PRMT8: variants seen among roughly 807,000 people sequenced by gnomAD.
PRMT8 encodes protein arginine N-methyltransferase 8.
A neutral mutation model predicts 47.1 loss-of-function variants in PRMT8; 7 were observed. The ratio of observed to expected loss-of-function variants is 0.15; its 90% CI spans 0.08 to 0.28. The LOEUF (loss-of-function observed/expected upper bound fraction) is 0.28. Among genes scored for constraint, PRMT8 ranks in the 10% least tolerant of loss-of-function variants. PRMT8 has a pLI of 1.00. For missense variants in PRMT8, 237 were observed against 505.4 expected (o/e 0.47, Z 5.09); for synonymous variants, 188 against 186.5 (o/e 1.01, Z -0.07).
chr12:3,588,753 T>C (rs891242972), intron 8 of PRMT8, among the ~76,000 whole-genome samples: 3 of 152,074 alleles, frequency 2.0e-5, no homozygotes, highest in Non-Finnish European at 4.4e-5. Context: ...TCAGAGAGAC[T>C]GTGATGGGGA....
intron 1 of PRMT8, among the ~76,000 whole-genome samples, chr12:3,418,606 G>A (rs1864507400): frequency 6.6e-6 from 1 of 152,208 alleles, no homozygotes; most frequent in Non-Finnish European, 1.5e-5. Flanking sequence ...GTGGCTTCAG[G>A]CCCACTCCGT....
chr12:3,578,760 G>T (rs1043309219), intron 7 of PRMT8, among the ~76,000 whole-genome samples: 2 of 152,160 alleles, frequency 1.3e-5, no homozygotes, highest in Non-Finnish European at 2.9e-5. Context: ...ACTGTCCTTT[G>T]TCCTGGACAC....
At chr12:3,384,469 G>A (rs923539202) in intron 1 of PRMT8, among the ~76,000 whole-genome samples, 2 of 152,148 alleles carry the variant, frequency 1.3e-5, no homozygotes, top group Admixed American at 6.5e-5. Flanking sequence ...TAAAAGAAAT[G>A]TATTTTTTTC....
intron 1 of PRMT8, among the ~76,000 whole-genome samples, chr12:3,523,016 A>G (rs74706814): frequency 1.3e-5 from 2 of 152,122 alleles, no homozygotes; most frequent in Admixed American, 1.3e-4. Context: ...AGAAAAAAAA[A>G]ATCCCATCAA....
intron 1 of PRMT8, among the ~76,000 whole-genome samples, chr12:3,446,017 C>A (rs777121292): frequency 8.5e-5 from 13 of 152,120 alleles, no homozygotes; most frequent in Non-Finnish European, 1.9e-4. Context: ...CTACAGCATC[C>A]TGGATCAGTG....
intron 8 of PRMT8, among the ~76,000 whole-genome samples, chr12:3,584,550 G>A (rs991271178): frequency 3.9e-5 from 6 of 152,108 alleles, no homozygotes; most frequent in African/African-American, 1.2e-4. Flanking sequence ...TTTCAAGTGA[G>A]ACACATGCAC....
intron 1 of PRMT8, among the ~76,000 whole-genome samples, chr12:3,418,004 T>C (rs1246689039): frequency 6.6e-6 from 1 of 152,222 alleles, no homozygotes; most frequent in African/African-American, 2.4e-5. Context: ...AAAATGGTCA[T>C]ACCTACTTCA....
chr12:3,540,477 C>A, intron 1 of PRMT8, 129 bp from the exon 2 acceptor site: 1 of 661,666 alleles, frequency 1.5e-6, no homozygotes, highest in Non-Finnish European at 2.6e-6. Flanking sequence ...ACCTACCTCC[C>A]TTTCAGGAAG....
At position 3,497,577 on chromosome 12, in the gene PRMT8, C is replaced by T. The variant is rs187621903; in HGVS notation, c.75+5877C>T. 3.3e-5 allele frequency among the ~76,000 whole-genome samples: 5 copies of T among 152,242 alleles called. 1 individual carries two copies. The highest frequency in any genetic ancestry group is 3.3e-4 in the Admixed American group (5 of 15,304). On this transcript the variant is annotated intron_variant, in intron 1 of 9. Transcript: ENST00000382622. ...TTCCAATTGATTCCAATCCCTTTTTCTGATATTCTGGTATTAGACTTCTAA... is the reference window on the plus strand; with the variant it reads ...TTCCAATTGATTCCAATCCCTTTTTTTGATATTCTGGTATTAGACTTCTAA...
chr12:3,576,971 T>C lies in PRMT8; in HGVS notation c.813T>C (p.Asn271=), dbSNP rs1159064746. The C allele has an allele frequency of 6.2e-6, 10 of 1,613,966 alleles. No homozygotes were observed. The South Asian group carries it at 7.7e-5, about 12-fold the overall frequency. Residue 271 remains asparagine, a synonymous_variant, in exon 7 of 10, where the codon AAT becomes AAC. Transcript: ENST00000382622. This position sits in a 1 kb window ranked among gnomAD's most constrained non-coding sequence, Gnocchi z 4.0. The part of the protein sequence containing the change: ...DIVDPKQVVT[N]ACLIKEVDIY... ...TGGATCCAAAGCAAGTGGTGACCAA[T>C]GCCTGTTTGATAAAGGTCTGGACAC... is the stretch of plus-strand genomic sequence containing the variant.
At chr12:3,470,536 T>C (rs1865149884) in intron 1 of PRMT8, among the ~76,000 whole-genome samples, 1 of 152,142 alleles carries the variant, frequency 6.6e-6, no homozygotes, top group Admixed American at 6.5e-5. Context: ...AGGGCCTCAC[T>C]GTGAAGCCGT....
chr12:3,576,750 G>T lies in PRMT8; in HGVS notation c.713-121G>T, dbSNP rs572917069. 8.3e-6 allele frequency: 6 copies of T among 724,060 alleles called. No homozygotes were observed. In the South Asian group the frequency reaches 1.0e-4, roughly 12 times the overall value. 44.9% of individuals were successfully genotyped at this position (724,060 alleles called of 1,614,324 possible). ...AGGTGAGCAGTTCTGCCTCTATTTCGATGCAAGGGAACTCGAGCTGCCACT... is the reference window on the plus strand; with the variant it reads ...AGGTGAGCAGTTCTGCCTCTATTTCTATGCAAGGGAACTCGAGCTGCCACT... On this transcript the variant is annotated intron_variant, in intron 6 of 9. Coordinates refer to ENST00000382622, the MANE Select transcript of PRMT8 (RefSeq NM_019854.5). The surrounding 1 kb of genome is among the most constrained non-coding windows in gnomAD (Gnocchi z 4.0).
Position 3,564,255 on chromosome 12 carries a change from A to T in PRMT8, c.482-4451A>T, listed in dbSNP as rs1216376952. 6.6e-6 allele frequency among the ~76,000 whole-genome samples: 1 copy of T among 152,126 alleles called. No homozygotes were observed. Among genetic ancestry groups the T allele is most frequent in the Non-Finnish European group, 1.5e-5 (1 of 68,034 alleles). ...ATATGTTCCCATGCCTGTGACCCTCATGCCTCCTCTTGTGTGGCACAGGAC... is the reference window on the plus strand; with the variant it reads ...ATATGTTCCCATGCCTGTGACCCTCTTGCCTCCTCTTGTGTGGCACAGGAC... On this transcript the variant is annotated intron_variant, in intron 4 of 9. Transcript: ENST00000382622. This position sits in a 1 kb window ranked among gnomAD's most constrained non-coding sequence, Gnocchi z 4.0.
chr12:3,581,112 C>A (rs956808574), intron 7 of PRMT8, among the ~76,000 whole-genome samples: 2 of 152,176 alleles, frequency 1.3e-5, no homozygotes, highest in African/African-American at 4.8e-5. Context: ...GGAACACAGG[C>A]TGCTATAAGT....
At chr12:3,398,261 T>C (rs1359064293) in intron 1 of PRMT8, among the ~76,000 whole-genome samples, 1 of 152,030 alleles carries the variant, frequency 6.6e-6, no homozygotes, top group Non-Finnish European at 1.5e-5. Context: ...CTGCAGGTAA[T>C]GGGGGGGCCT....
chr12:3,389,503 A>G (rs1864171969), intron 1 of PRMT8, among the ~76,000 whole-genome samples: 1 of 152,092 alleles, frequency 6.6e-6, no homozygotes, highest in African/African-American at 2.4e-5. Flanking sequence ...TCATTCTTCA[A>G]TAGCATTTGT....
At chr12:3,510,147 T>C (rs979227277) in intron 1 of PRMT8, among the ~76,000 whole-genome samples, 1 of 152,182 alleles carries the variant, frequency 6.6e-6, no homozygotes, top group African/African-American at 2.4e-5. Context: ...AGACCAGAGA[T>C]CTGAACTGTC....
intron 1 of PRMT8, among the ~76,000 whole-genome samples, chr12:3,520,252 C>T (rs977722702): frequency 6.6e-6 from 1 of 152,210 alleles, no homozygotes; most frequent in Non-Finnish European, 1.5e-5. Flanking sequence ...ACCAACGGTG[C>T]CTTCAAAGCA....
At chr12:3,418,239 C>G (rs951200663) in intron 1 of PRMT8, among the ~76,000 whole-genome samples, 2 of 152,212 alleles carry the variant, frequency 1.3e-5, no homozygotes, top group Admixed American at 1.3e-4. Context: ...CATTTCTCAA[C>G]TGCAAACACC....
Sources: allele counts gnomAD v4.1 joint callset (sites outside exome capture counted in the v4.1 genomes callset), GRCh38; gene constraint gnomAD v4.1.1; non-coding constraint Gnocchi (gnomAD v3.1); transcripts MANE v1.5; gene names NCBI Gene and HGNC (gene_info 2026-07-23, HGNC 2026-07-21).